ANKRD44: variants seen among roughly 807,000 people sequenced by gnomAD.
ANKRD44 encodes the protein serine/threonine-protein phosphatase 6 regulatory ankyrin repeat subunit B.
ANKRD44 carries 35 observed loss-of-function variants against 116.0 expected under a neutral mutation model. The observed-to-expected ratio is 0.30, with a 90% CI of 0.23 to 0.40. ANKRD44 has a LOEUF of 0.40. ANKRD44 is among the 10% of genes least tolerant of loss of function. The pLI is 1.00. For missense variants in ANKRD44, 1,014 were observed against 1,242.6 expected (o/e 0.82, Z 2.77); for synonymous variants, 435 against 461.8 (o/e 0.94, Z 0.74).
chr2:197,249,426 A>G (rs2082269519), intron 1 of ANKRD44, among the ~76,000 whole-genome samples: 1 of 152,244 alleles, frequency 6.6e-6, no homozygotes, highest in South Asian at 2.1e-4. Context: ...TTTGCTCTAC[A>G]TGTGGGAGAA....
chr2:196,997,480 A>T lies in ANKRD44; in HGVS notation c.2748+857T>A, dbSNP rs529039691. Among the ~76,000 whole-genome samples, 3 of 129,642 alleles carry T rather than the reference A, an allele frequency of 2.3e-5. No individual in the cohort carries two copies. The South Asian group carries it at 6.9e-4, about 30-fold the overall frequency. 85.1% of individuals were successfully genotyped at this position (129,642 alleles called of 152,430 possible). ...TTTTTTTTTTTTGAGATGGAGTTTC[A>T]CTCTTGTTGTCCAGGCTGGAGTGCA... On this transcript the variant is annotated intron_variant, in intron 25 of 27. Coordinates refer to ENST00000282272, the MANE Select transcript of ANKRD44 (RefSeq NM_001195144.2).
chr2:197,310,521 G>C (rs1188114887), intron 1 of ANKRD44, 57 bp downstream of exon 1: 3 of 1,009,392 alleles, frequency 3.0e-6, no homozygotes, highest in African/African-American at 1.8e-5. Flanking sequence ...TCCCCCCGCC[G>C]GGCTCCGCGC....
intron 16 of ANKRD44, among the ~76,000 whole-genome samples, chr2:197,070,325 G>A (rs1010863443): frequency 2.0e-5 from 3 of 152,070 alleles, no homozygotes; most frequent in South Asian, 2.1e-4. Context: ...GTCTTTTACC[G>A]TTAAGTAAAT....
In ANKRD44 at chr2:197,218,751, C is replaced by CTTTTTTTTTTTTTTTTTTTTTTTTT. The variant is rs138330364; in HGVS notation, c.28-31670_28-31646dup. Among the ~76,000 whole-genome samples, 8 of 52,346 alleles carry CTTTTTTTTTTTTTTTTTTTTTTTTT rather than the reference C, an allele frequency of 1.5e-4. 1 individual carries two copies. Among genetic ancestry groups the CTTTTTTTTTTTTTTTTTTTTTTTTT allele is most frequent in the Non-Finnish European group, 2.1e-4 (6 of 28,402 alleles). The allele number at this position is 52,346 out of a possible 152,430, so 34.3% of individuals were successfully genotyped here. A position where few individuals can be genotyped will look rare whatever the true frequency, so the allele number is the denominator to read the frequency against. On this transcript the variant is annotated intron_variant, in intron 1 of 27. Coordinates refer to ENST00000282272, the MANE Select transcript of ANKRD44 (RefSeq NM_001195144.2). The stretch of plus-strand genomic sequence containing the variant: ...TTCCTGGTATGGGAGGGTAAAGTCC[C>CTTTTTTTTTTTTTTTTTTTTTTTTT]TTTTTTTTTTTTTTTTTTTTTTTTT...
In ANKRD44 at chr2:197,000,915, G is replaced by A. The variant is rs538034385; in HGVS notation, c.2436-413C>T. Among the ~76,000 whole-genome samples the A allele has an allele frequency of 2.6e-5, 4 of 152,322 alleles. No individual in the cohort carries two copies. In the South Asian group the frequency reaches 8.3e-4, roughly 32 times the overall value. On this transcript the variant is annotated intron_variant, in intron 22 of 27. Coordinates refer to ENST00000282272, the MANE Select transcript of ANKRD44 (RefSeq NM_001195144.2). ...TAGCCAGGCGTGGTGGCGCGCACCT[G>A]TAGTCCCAGCTGCTTGGGAAGCTGA...
At chr2:197,304,633 T>C (rs1220898545) in intron 1 of ANKRD44, among the ~76,000 whole-genome samples, 1 of 152,184 alleles carries the variant, frequency 6.6e-6, no homozygotes. Flanking sequence ...CCTCTTCATT[T>C]TACAAAGAGA....
At chr2:197,294,402 C>T (rs2083658092) in intron 1 of ANKRD44, among the ~76,000 whole-genome samples, 1 of 135,480 alleles carries the variant, frequency 7.4e-6, no homozygotes, top group Admixed American at 7.8e-5. Context: ...CCTCGCTAAC[C>T]AGTTCAAGGT....
chr2:197,235,788 G>C (rs1284631671), intron 1 of ANKRD44, among the ~76,000 whole-genome samples: 1 of 152,012 alleles, frequency 6.6e-6, no homozygotes, highest in Non-Finnish European at 1.5e-5. Flanking sequence ...ACAATGCAAA[G>C]TAGTCCATGA....
intron 12 of ANKRD44, among the ~76,000 whole-genome samples, chr2:197,087,270 T>TGGGC (rs2077947084): frequency 6.6e-6 from 1 of 152,202 alleles, no homozygotes; most frequent in African/African-American, 2.4e-5. Flanking sequence ...TTTATGCAAA[T>TGGGC]AAATGTGCAG....
At chr2:197,072,975 T>C (rs2077592685) in intron 16 of ANKRD44, among the ~76,000 whole-genome samples, 5 of 152,184 alleles carry the variant, frequency 3.3e-5, no homozygotes, top group African/African-American at 9.7e-5. Flanking sequence ...AATACATCTG[T>C]TCCAGTATGA....
At chr2:197,166,476 C>T (rs1029004865) in intron 2 of ANKRD44, among the ~76,000 whole-genome samples, 2 of 152,040 alleles carry the variant, frequency 1.3e-5, no homozygotes, top group South Asian at 2.1e-4. Flanking sequence ...CAAATGAAAG[C>T]GAGGAATATT....
chr2:197,136,569 G>C (rs2579388), intron 4 of ANKRD44, 23 bp downstream of exon 4: 1 of 1,606,386 alleles, frequency 6.2e-7, no homozygotes, highest in Non-Finnish European at 8.5e-7. Flanking sequence ...GTAGGTATTA[G>C]ATTAAATATG....
At chr2:197,183,850 C>A (rs1324703045) in intron 2 of ANKRD44, among the ~76,000 whole-genome samples, 1 of 152,124 alleles carries the variant, frequency 6.6e-6, no homozygotes, top group Middle Eastern at 3.2e-3. Flanking sequence ...TTATCTGTTG[C>A]CACACACCCA....
chr2:196,989,277 G>GC lies in ANKRD44; in HGVS notation c.*313dup. On this transcript the variant is annotated 3_prime_UTR_variant, in exon 28 of 28. Coordinates refer to ENST00000282272, the MANE Select transcript of ANKRD44 (RefSeq NM_001195144.2). ...GTATATGGACATTTTCTCTAGTTTG[G>GC]CAAAAAAAAAAAAAAAGGTCAGCAC... 1.1e-6 allele frequency: 1 copy of GC among 898,060 alleles called. No individual in the cohort carries two copies. Among genetic ancestry groups the GC allele is most frequent in the Non-Finnish European group, 1.3e-6 (1 of 757,772 alleles). The allele number at this position is 898,060 out of a possible 1,614,324, so 55.6% of individuals were successfully genotyped here. A position where few individuals can be genotyped will look rare whatever the true frequency, so the allele number is the denominator to read the frequency against.
intron 10 of ANKRD44, among the ~76,000 whole-genome samples, chr2:197,094,053 T>C (rs895030496): frequency 6.6e-6 from 1 of 152,204 alleles, no homozygotes; most frequent in Non-Finnish European, 1.5e-5. Context: ...TGCAGGCCTG[T>C]CTTGCAGAGA....
intron 21 of ANKRD44, among the ~76,000 whole-genome samples, chr2:196,971,131 G>A (rs1435855473): frequency 6.6e-6 from 1 of 152,018 alleles, no homozygotes; most frequent in Non-Finnish European, 1.5e-5. Flanking sequence ...ATTATGTCAT[G>A]CACATCTTCC....
At chr2:197,002,678 A>G (rs2076134570) in intron 21 of ANKRD44, among the ~76,000 whole-genome samples, 1 of 152,170 alleles carries the variant, frequency 6.6e-6, no homozygotes, top group South Asian at 2.1e-4. Flanking sequence ...TCTCCCAGGA[A>G]GAAGGGTGAT....
In ANKRD44 at chr2:197,013,621, T is replaced by C; in HGVS notation, c.1814A>G (p.Asp605Gly). 6.2e-7 allele frequency: 1 copy of C among 1,614,118 alleles called. No homozygotes were observed. The change falls in exon 18 of 28, where the codon GAT becomes GGT. Residue 605 changes from aspartate (D) to glycine (G), a missense_variant. Transcript: ENST00000282272. ...IRDEKGRTAL[D>G]LAAFKGHTEC... Reference sequence around the variant, plus strand: ...TGTGTGTCCTTTAAAGGCAGCCAGATCCAGAGCAGTGCGGCCTTTCTCATC... The same window carrying C: ...TGTGTGTCCTTTAAAGGCAGCCAGACCCAGAGCAGTGCGGCCTTTCTCATC...
intron 1 of ANKRD44, among the ~76,000 whole-genome samples, chr2:197,213,561 C>G (rs1460571846): frequency 6.6e-6 from 1 of 152,212 alleles, no homozygotes; most frequent in Non-Finnish European, 1.5e-5. Flanking sequence ...TTTCTCTCTT[C>G]CAGCTAAGCA....
Sources: allele counts gnomAD v4.1 joint callset (sites outside exome capture counted in the v4.1 genomes callset), GRCh38; gene constraint gnomAD v4.1.1; transcripts MANE v1.5; gene names NCBI Gene and HGNC (gene_info 2026-07-23, HGNC 2026-07-21).